NOP16: variants seen among roughly 807,000 people sequenced by gnomAD.
NOP16 encodes the protein NOP16 nucleolar protein, also known as nucleolar protein 16.
Under a neutral mutation model 22.7 loss-of-function variants are expected in NOP16, and 14 were observed. That is an observed-to-expected ratio of 0.62 (90% CI 0.41 to 0.97). The LOEUF (loss-of-function observed/expected upper bound fraction) is 0.97, where lower values mean the gene tolerates loss of function less well. NOP16 is among the 50% of genes least tolerant of loss of function. The pLI, the probability that NOP16 is intolerant of heterozygous loss-of-function variation, is 0.00. For synonymous variants in NOP16, 80 were observed against 83.6 expected (o/e 0.96, Z 0.23); for missense variants, 198 against 235.9 (o/e 0.84, Z 1.05).
rs1204787616 is a variant in NOP16, at chr5:176,388,248, A to T, written c.203T>A (p.Leu68His). The change falls in exon 2 of 5, where the codon CTC becomes CAC. Residue 68 changes from leucine to histidine, a missense_variant. Leu to His is a moderately conservative substitution (Grantham distance 99). Transcript: ENST00000614830. ...LAVDPNRAVP[L>H]RKRKVKAMEV... ...CCATGTCAGTACCTTTCTCTTACGG[A>T]GGGGCACCGCCCTGTTGGGGTCCAC... The T allele has an allele frequency of 1.2e-6, 2 of 1,611,532 alleles. No individual in the cohort carries two copies. Among genetic ancestry groups the T allele is most frequent in the Admixed American group, 1.7e-5 (1 of 59,980 alleles).
rs776304308 is a variant in NOP16 at position 176,385,316 on chromosome 5, C to A, written c.298G>T (p.Glu100Ter). The A allele has an allele frequency of 1.9e-6, 3 of 1,604,686 alleles. No individual in the cohort carries two copies. In the South Asian group the frequency reaches 3.3e-5, roughly 18 times the overall value. Reference protein sequence around the residue: ...KPYVLNDLEAEASLPEKKGNT... With the variant: ...KPYVLNDLEA ...CCTTTCTTTTCTGGAAGGCTGGCTT[C>A]TGCCTCCAGGTCTGGAGTGATGAGA... The change falls in exon 4 of 5, where the codon GAA becomes TAA. Residue 100 changes from glutamate (E) to a stop codon, truncating the protein, a stop_gained. Transcript: ENST00000614830. LOFTEE classifies it high-confidence loss of function.
chr5:176,385,652 A>G (rs1755781769), intron 3 of NOP16, among the ~76,000 whole-genome samples: 2 of 152,206 alleles, frequency 1.3e-5, no homozygotes, highest in East Asian at 1.9e-4. Context: ...CAGGACAGAG[A>G]TGAAGGCACA....
intron 2 of NOP16, among the ~76,000 whole-genome samples, chr5:176,387,643 GA>G (rs918804161): frequency 6.6e-5 from 10 of 152,272 alleles, no homozygotes; most frequent in Admixed American, 6.5e-4. Context: ...TTTCTTTTGG[GA>G]ACCTGGATTC....
rs1009345456 is a variant in NOP16, at chr5:176,384,668, G to A, written c.394-294C>T. The A allele has an allele frequency of 1.6e-5, 7 of 436,472 alleles. No homozygotes were observed. In the East Asian group the frequency reaches 2.9e-4, roughly 18 times the overall value. The allele number at this position is 436,472 out of a possible 1,614,324, so 27.0% of individuals were successfully genotyped here. A position where few individuals can be genotyped will look rare whatever the true frequency, so the allele number is the denominator to read the frequency against. Reference sequence around the variant, plus strand: ...TCCTGTGGTCCCAGCTACTTGGGAGGCCGAGGCAGGAGGACTGTTTCAGCC... The same window carrying A: ...TCCTGTGGTCCCAGCTACTTGGGAGACCGAGGCAGGAGGACTGTTTCAGCC... On this transcript the variant is annotated intron_variant, in intron 4 of 4. Coordinates refer to ENST00000614830, the MANE Select transcript of NOP16 (RefSeq NM_016391.8).
At chr5:176,386,059 A>G (rs1755821201) in intron 3 of NOP16, 1 of 152,884 alleles carries the variant, frequency 6.5e-6, no homozygotes, top group Non-Finnish European at 1.5e-5. Context: ...TAATGGGTAT[A>G]GTTTCAGTTT....
chr5:176,384,523 A>T lies in NOP16; in HGVS notation c.394-149T>A, dbSNP rs1755678698. ...TGTGGTGCACCGGGCACAGTGGCTC[A>T]TGCCTGTAATCCCAACACTCTGGGA... On this transcript the variant is annotated intron_variant, in intron 4 of 4. Coordinates refer to ENST00000614830, the MANE Select transcript of NOP16 (RefSeq NM_016391.8). 6 of 745,974 alleles carry T rather than the reference A, an allele frequency of 8.0e-6. No individual in the cohort carries two copies. The South Asian group carries it at 1.1e-4, about 14-fold the overall frequency. 46.2% of individuals were successfully genotyped at this position (745,974 alleles called of 1,614,324 possible).
In NOP16 at chr5:176,388,516, G is replaced by A. The variant is rs377455146; in HGVS notation, c.24C>T (p.Thr8=). The A allele has an allele frequency of 5.6e-6, 9 of 1,613,314 alleles. No individual in the cohort carries two copies. In the African/African-American group the frequency reaches 1.1e-4, roughly 19 times the overall value. ...CACTGTAACCAAACTTCTGCCTCCG[G>A]GTTTTGCCCTTGGCCTTGGGCATCG... The part of the protein sequence containing the change: MPKAKGK[T]RRQKFGYSVN... The change falls in exon 1 of 5, where the codon ACC becomes ACT. Residue 8 remains threonine (T), a synonymous_variant. Transcript: ENST00000614830.
In NOP16 at chr5:176,383,953, T is replaced by C. The variant is rs1755621429; in HGVS notation, c.*278A>G. On this transcript the variant is annotated 3_prime_UTR_variant, in exon 5 of 5. Coordinates refer to ENST00000614830, the MANE Select transcript of NOP16 (RefSeq NM_016391.8). ...ACAAAATCATCAGAGAAGTAAAATA[T>C]ATTTGCTTTATTATGTACACACTAT... The C allele has an allele frequency of 6.7e-7, 1 of 1,491,352 alleles. No individual in the cohort carries two copies. The highest frequency in any genetic ancestry group is 8.9e-7 in the Non-Finnish European group (1 of 1,127,704). The allele number at this position is 1,491,352 out of a possible 1,614,324, so 92.4% of individuals were successfully genotyped here. A position where few individuals can be genotyped will look rare whatever the true frequency, so the allele number is the denominator to read the frequency against.
rs1561781742 is a variant in NOP16 at position 176,385,285 on chromosome 5, G to C, written c.329C>G (p.Thr110Ser). 1 of 1,613,082 alleles carries C rather than the reference G, an allele frequency of 6.2e-7. No individual in the cohort carries two copies. The highest frequency in any genetic ancestry group is 8.5e-7 in the Non-Finnish European group (1 of 1,179,120). Reference protein sequence around the residue: ...EASLPEKKGNTLSRDLIDYVR... With the variant: ...EASLPEKKGNSLSRDLIDYVR... ...ATAGTCAATGAGGTCCCGAGACAGA[G>C]TATTTCCTTTCTTTTCTGGAAGGCT... The change falls in exon 4 of 5, where the codon ACT becomes AGT. Residue 110 changes from threonine to serine, a missense_variant. Physicochemically the swap from Thr to Ser is moderately conservative, Grantham distance 58 (BLOSUM62 1). Transcript: ENST00000614830.
In NOP16 at chr5:176,386,810, G is replaced by A. The variant is rs762090730; in HGVS notation, c.286+30C>T. On this transcript the variant is annotated intron_variant, in intron 3 of 4. Coordinates refer to ENST00000614830, the MANE Select transcript of NOP16 (RefSeq NM_016391.8). Reference sequence around the variant, plus strand: ...CCAGCTTCCCACAGTGCAGGACAGTGACCTAAAGGAATATATGGACCACAC... The same window carrying A: ...CCAGCTTCCCACAGTGCAGGACAGTAACCTAAAGGAATATATGGACCACAC... 4.4e-6 allele frequency: 7 copies of A among 1,595,368 alleles called. No homozygotes were observed. In the Admixed American group the frequency reaches 6.7e-5, roughly 15 times the overall value.
intron 4 of NOP16, chr5:176,384,732 T>A: frequency 2.7e-6 from 1 of 366,072 alleles, no homozygotes; most frequent in Admixed American, 4.4e-5. Context: ...ATCACACCAC[T>A]GAACTCCACC....
At chr5:176,384,613 C>T (rs1008670323) in intron 4 of NOP16, 2 of 547,534 alleles carry the variant, frequency 3.7e-6, no homozygotes, top group African/African-American at 3.8e-5. Flanking sequence ...CCAGTGAGAC[C>T]CTGTCTCTCC....
Position 176,386,788 on chromosome 5 carries a change from G to C in NOP16, c.286+52C>G, listed in dbSNP as rs1471241987. On this transcript the variant is annotated intron_variant, in intron 3 of 4. Transcript: ENST00000614830. ...TGAGGACATCTTAGGGCCCTTCCCA[G>C]CTTCCCACAGTGCAGGACAGTGACC... 3.3e-6 allele frequency: 5 copies of C among 1,519,980 alleles called. No homozygotes were observed. The South Asian group carries it at 4.5e-5, about 14-fold the overall frequency. 94.2% of individuals were successfully genotyped at this position (1,519,980 alleles called of 1,614,324 possible). A position where few individuals can be genotyped will look rare whatever the true frequency, so the allele number is the denominator to read the frequency against.
In NOP16 at chr5:176,385,298, T is replaced by C. The variant is rs1755752308; in HGVS notation, c.316A>G (p.Lys106Glu). ...DLEAEASLPEKKGNTLSRDLI... is the reference protein window; with the variant it reads ...DLEAEASLPEEKGNTLSRDLI... Reference sequence around the variant, plus strand: ...TCCCGAGACAGAGTATTTCCTTTCTTTTCTGGAAGGCTGGCTTCTGCCTCC... The same window carrying C: ...TCCCGAGACAGAGTATTTCCTTTCTCTTCTGGAAGGCTGGCTTCTGCCTCC... Residue 106 changes from lysine (K) to glutamate (E), a missense_variant, in exon 4 of 5, where the codon AAG becomes GAG. Transcript: ENST00000614830. 1 of 1,612,126 alleles carries C rather than the reference T, an allele frequency of 6.2e-7. No homozygotes were observed. The highest frequency in any genetic ancestry group is 8.5e-7 in the Non-Finnish European group (1 of 1,178,202).
intron 2 of NOP16, 73 bp downstream of exon 2, chr5:176,388,162 G>A: frequency 8.6e-7 from 1 of 1,164,176 alleles, no homozygotes; most frequent in East Asian, 2.4e-5. Flanking sequence ...GCAGTACCAC[G>A]TTCTGACACC....
chr5:176,387,281 T>C (rs960105636), intron 2 of NOP16, among the ~76,000 whole-genome samples: 1 of 152,206 alleles, frequency 6.6e-6, no homozygotes, highest in South Asian at 2.1e-4. Context: ...GGTTTTGCCA[T>C]GTTGGCCAGG....
At chr5:176,387,728 C>G (rs954453982) in intron 2 of NOP16, among the ~76,000 whole-genome samples, 61 of 152,182 alleles carry the variant, frequency 4.0e-4, no homozygotes, top group Admixed American at 4.0e-3. Context: ...ATAGCGAAAC[C>G]CTGCCTCTAC....
intron 3 of NOP16, chr5:176,386,080 A>G (rs1031491258): frequency 6.5e-6 from 1 of 152,770 alleles, no homozygotes; most frequent in Non-Finnish European, 1.5e-5. Flanking sequence ...TGCAAAATGA[A>G]AAGGTTTTAG....
At chr5:176,384,847 C>T (rs762598308) in intron 4 of NOP16, 1 of 476,112 alleles carries the variant, frequency 2.1e-6, no homozygotes, top group Admixed American at 3.6e-5. Context: ...CATGACCCAT[C>T]ATAGCCAGCT....
Sources: allele counts gnomAD v4.1 joint callset (sites outside exome capture counted in the v4.1 genomes callset), GRCh38; gene constraint gnomAD v4.1.1; transcripts MANE v1.5; gene names NCBI Gene and HGNC (gene_info 2026-07-23, HGNC 2026-07-21).